The following CTNNA3 variants were observed in gnomAD, a reference collection of about 807,000 sequenced individuals.
CTNNA3 encodes the protein catenin alpha-3.
In CTNNA3, 76 loss-of-function variants were observed where a neutral mutation model predicts 95.7. The observed-to-expected ratio is 0.79, with a 90% CI of 0.66 to 0.96. CTNNA3 has a LOEUF of 0.96. CTNNA3 is among the 40% of genes least tolerant of loss of function. The pLI is 0.00. For missense variants in CTNNA3, 1,191 were observed against 1,089.8 expected (o/e 1.09, Z -1.31); for synonymous variants, 431 against 374.4 (o/e 1.15, Z -1.74).
chr10:67,241,846 A>AT (rs1395325664), intron 5 of CTNNA3, among the ~76,000 whole-genome samples: 1 of 152,148 alleles, frequency 6.6e-6, no homozygotes, highest in African/African-American at 2.4e-5. Flanking sequence ...GGTGATGGTG[A>AT]TTTTTTTCAG....
chr10:66,471,230 G>A (rs1489958787), intron 11 of CTNNA3, among the ~76,000 whole-genome samples: 3 of 151,410 alleles, frequency 2.0e-5, no homozygotes, highest in Non-Finnish European at 4.4e-5. Context: ...TTTATTTCTA[G>A]TATTATCTCT....
intron 7 of CTNNA3, among the ~76,000 whole-genome samples, chr10:66,992,852 T>C (rs1179573563): frequency 1.3e-5 from 2 of 152,194 alleles, no homozygotes; most frequent in African/African-American, 2.4e-5. Context: ...ACAACAAGGC[T>C]TTTATGAGTG....
intron 5 of CTNNA3, among the ~76,000 whole-genome samples, chr10:67,504,446 A>C (rs113694257): frequency 6.7e-6 from 1 of 149,972 alleles, no homozygotes; most frequent in African/African-American, 2.4e-5. Context: ...AAAAAAAAAA[A>C]AAAAAAAAAA....
intron 3 of CTNNA3, among the ~76,000 whole-genome samples, chr10:67,545,772 TTG>T (rs1840828588): frequency 6.6e-6 from 1 of 152,188 alleles, no homozygotes; most frequent in Non-Finnish European, 1.5e-5. Flanking sequence ...AGTTATGCGT[TTG>T]TGTGTGTACA....
chr10:66,573,714 C>A (rs573165682), intron 10 of CTNNA3, among the ~76,000 whole-genome samples: 14 of 152,226 alleles, frequency 9.2e-5, no homozygotes, highest in South Asian at 6.2e-4. Flanking sequence ...ACTGGTTAGT[C>A]ATTTAGTATC....
chr10:66,643,760 T>C (rs769283129), intron 9 of CTNNA3, among the ~76,000 whole-genome samples: 6 of 152,238 alleles, frequency 3.9e-5, no homozygotes, highest in Non-Finnish European at 8.8e-5. Flanking sequence ...AAATTCAAAA[T>C]TGACCATTTT....
chr10:66,882,959 G>A (rs761204367), intron 7 of CTNNA3, among the ~76,000 whole-genome samples: 2 of 151,994 alleles, frequency 1.3e-5, no homozygotes, highest in Non-Finnish European at 2.9e-5. Context: ...AACCCCAGAT[G>A]TGTGGGCACC....
chr10:67,540,265 T>G (rs532780260), intron 3 of CTNNA3, among the ~76,000 whole-genome samples: 5 of 152,164 alleles, frequency 3.3e-5, no homozygotes, highest in Non-Finnish European at 5.9e-5. Flanking sequence ...ATTCTTTCAT[T>G]GTTTTAAGTT....
rs117738140 is a variant in CTNNA3, at chr10:66,004,774, C to T, written c.2160-15977G>A. 9.6e-3 allele frequency among the ~76,000 whole-genome samples: 1,463 copies of T among 152,312 alleles called. 14 individuals carry two copies. Among genetic ancestry groups the T allele is most frequent in the Middle Eastern group, 0.027 (8 of 294 alleles). On this transcript the variant is annotated intron_variant, in intron 15 of 17. Transcript: ENST00000433211. Reference sequence around the variant, plus strand: ...GAAAACTAGAGTTGGTAGTTGAATGCATTTTAATTCTTACAGTTCCCTCTG... The same window carrying T: ...GAAAACTAGAGTTGGTAGTTGAATGTATTTTAATTCTTACAGTTCCCTCTG...
In CTNNA3 at chr10:66,520,687, C is replaced by A; in HGVS notation, c.1461G>T (p.Glu487Asp). The A allele has an allele frequency of 1.2e-6, 2 of 1,612,034 alleles. No homozygotes were observed. The highest frequency in any genetic ancestry group is 1.7e-6 in the Non-Finnish European group (2 of 1,178,868). Residue 487 changes from glutamate (E) to aspartate (D), a missense_variant, in exon 11 of 18, where the codon GAG (glutamate) becomes GAT (aspartate). Glu to Asp is a conservative substitution (Grantham distance 45). Coordinates refer to ENST00000433211, the MANE Select transcript of CTNNA3 (RefSeq NM_013266.4). ...CTTCAGTGAGGACATGTATATGATT[C>A]TCCCATGTACGCTTGTACATTTCCA... is the stretch of plus-strand genomic sequence containing the variant. Reference protein sequence around the residue: ...NTMEMYKRTWENHIHVLTEAV... With the variant: ...NTMEMYKRTWDNHIHVLTEAV...
chr10:67,506,701 TG>T (rs1839438164), intron 5 of CTNNA3, among the ~76,000 whole-genome samples: 1 of 152,210 alleles, frequency 6.6e-6, no homozygotes, highest in Non-Finnish European at 1.5e-5. Context: ...GTAGTCTTTT[TG>T]CCTGACAAGG....
At chr10:67,136,566 G>C (rs1432086582) in intron 7 of CTNNA3, among the ~76,000 whole-genome samples, 1 of 152,048 alleles carries the variant, frequency 6.6e-6, no homozygotes, top group East Asian at 1.9e-4. Context: ...GAAGGAGAGA[G>C]AGAGAGACAC....
intron 5 of CTNNA3, among the ~76,000 whole-genome samples, chr10:67,331,357 CT>C (rs1841787540): frequency 6.6e-6 from 1 of 152,198 alleles, no homozygotes; most frequent in Non-Finnish European, 1.5e-5. Flanking sequence ...TCCAACATCA[CT>C]TGCAGGCAGC....
chr10:66,816,336 T>TTA (rs1379328826), intron 7 of CTNNA3, among the ~76,000 whole-genome samples: 5 of 152,088 alleles, frequency 3.3e-5, no homozygotes, highest in Non-Finnish European at 7.4e-5. Flanking sequence ...ATATTCTGCC[T>TTA]TATCAGTATT....
chr10:66,620,918 T>C (rs1183963432), intron 10 of CTNNA3, among the ~76,000 whole-genome samples: 2 of 152,148 alleles, frequency 1.3e-5, no homozygotes, highest in Non-Finnish European at 2.9e-5. Flanking sequence ...TTATAACATT[T>C]GTGGTCTTTA....
intron 13 of CTNNA3, among the ~76,000 whole-genome samples, chr10:66,242,184 G>A (rs1374200781): frequency 1.3e-5 from 2 of 151,954 alleles, no homozygotes; most frequent in African/African-American, 4.8e-5. Flanking sequence ...TTTGACCTTG[G>A]ACTTAGCCTC....
At position 67,682,326 on chromosome 10, in the gene CTNNA3, C is replaced by CA. The variant is rs535935296; in HGVS notation, c.-6+13673dup. On this transcript the variant is annotated intron_variant, in intron 1 of 17. Transcript: ENST00000433211. ...TGGGTGACAGAGCGAGACTCTATCT[C>CA]AAAAAAAAAAAAAGACTCAATAGAA... 3.0e-3 allele frequency among the ~76,000 whole-genome samples: 348 copies of CA among 116,550 alleles called. 3 individuals are homozygous for CA. The highest frequency in any genetic ancestry group is 9.2e-3 in the African/African-American group (296 of 32,214). 76.5% of individuals were successfully genotyped at this position (116,550 alleles called of 152,430 possible).
rs550887280 is a variant in CTNNA3, at chr10:67,723,770, T to C, written c.-2+39664A>G. ...CCTCACTTCTGATTCCAGTCACGAC[T>C]GTGAAGGATAGTTCCTAGCAGACCA... On this transcript the variant is annotated intron_variant, in intron 1 of 17. Coordinates refer to the CTNNA3 transcript ENST00000684154. Among the ~76,000 whole-genome samples the C allele has an allele frequency of 8.5e-5, 13 of 152,296 alleles. No individual in the cohort carries two copies. The South Asian group carries it at 2.7e-3, about 32-fold the overall frequency.
chr10:67,232,278 T>C (rs1336987427), intron 5 of CTNNA3, among the ~76,000 whole-genome samples: 1 of 152,076 alleles, frequency 6.6e-6, no homozygotes, highest in Non-Finnish European at 1.5e-5. Context: ...TGGGTTACCC[T>C]CAAAGGGAAG....
Sources: allele counts gnomAD v4.1 joint callset (sites outside exome capture counted in the v4.1 genomes callset), GRCh38; gene constraint gnomAD v4.1.1; transcripts MANE v1.5; gene names NCBI Gene and HGNC (gene_info 2026-07-23, HGNC 2026-07-21).